Variants in CNBD1 observed in about 807,000 individuals in gnomAD.
CNBD1 encodes cyclic nucleotide-binding domain-containing protein 1.
In CNBD1, 71 loss-of-function variants were observed where a neutral mutation model predicts 54.4. The ratio of observed to expected loss-of-function variants is 1.30; its 90% CI spans 1.08 to 1.59. The LOEUF (loss-of-function observed/expected upper bound fraction) is 1.59. Among genes scored for constraint, CNBD1 ranks in the 40% most tolerant of loss-of-function variants. The probability of loss-of-function intolerance (pLI) is 0.00; values close to 1 mark genes in which losing one functional copy is unlikely to be tolerated. For missense variants in CNBD1, 659 were observed against 518.0 expected, an observed-to-expected ratio of 1.27 and a Z score of -2.64; for synonymous variants, 182 against 170.7, an observed-to-expected ratio of 1.07 and a Z score of -0.51.
intron 4 of CNBD1, among the ~76,000 whole-genome samples, chr8:87,160,455 A>G (rs1187912690): frequency 6.6e-6 from 1 of 152,126 alleles, no homozygotes; most frequent in African/African-American, 2.4e-5. Context: ...GAAATTCTCT[A>G]TGACTTCGTT....
At chr8:86,887,436 A>C in intron 1 of CNBD1, 106 bp from the exon 2 acceptor site, 1 of 692,522 alleles carries the variant, frequency 1.4e-6, no homozygotes, top group Non-Finnish European at 2.5e-6. Context: ...TTCCATAGTC[A>C]CTGAATTCTT....
chr8:86,959,702 G>T lies in CNBD1; in HGVS notation c.431+19948G>T, dbSNP rs1329904438. ...TGTGCCATGGTTTTCAGCTCCATCA[G>T]GTCATTTAAGGTCTTCTCTATGCTG... On this transcript the variant is annotated intron_variant, in intron 4 of 10. Transcript: ENST00000518476. Among the ~76,000 whole-genome samples, 6 of 152,186 alleles carry T rather than the reference G, an allele frequency of 3.9e-5. 1 individual carries two copies. The Middle Eastern group carries it at 0.02, about 518-fold the overall frequency.
At chr8:87,032,974 C>T (rs1030629404) in intron 4 of CNBD1, among the ~76,000 whole-genome samples, 3 of 152,162 alleles carry the variant, frequency 2.0e-5, no homozygotes, top group African/African-American at 7.2e-5. Context: ...TCATCCCACT[C>T]CCTCTTTGCT....
At chr8:87,345,065 G>A (rs1322719729) in intron 8 of CNBD1, among the ~76,000 whole-genome samples, 2 of 152,078 alleles carry the variant, frequency 1.3e-5, no homozygotes. Flanking sequence ...TTAAGTTAGA[G>A]TATCTCTTTT....
rs565688798 is a variant in CNBD1, at chr8:87,175,257, AGGTGCAAGCAAAG to A, written c.432-30735_432-30723del. 5.9e-3 allele frequency among the ~76,000 whole-genome samples: 899 copies of A among 152,278 alleles called. 3 individuals are homozygous for A. The highest frequency in any genetic ancestry group is 0.01 in the Non-Finnish European group (704 of 68,016). On this transcript the variant is annotated intron_variant, in intron 4 of 10. Transcript: ENST00000518476. ...CTCACTGTGGCCAAGCTGGTATCTAAGGTGCAAGCAAAGTCTCCTTTACTTTATCTTCTGCTTT... is the reference window on the plus strand; with the variant it reads ...CTCACTGTGGCCAAGCTGGTATCTAATCTCCTTTACTTTATCTTCTGCTTT...
chr8:87,356,957 C>T (rs981323862), intron 10 of CNBD1, among the ~76,000 whole-genome samples: 9 of 152,160 alleles, frequency 5.9e-5, no homozygotes, highest in African/African-American at 2.2e-4. Flanking sequence ...CTCTCAGAAT[C>T]TGAGCAGAGC....
At chr8:87,362,095 T>G (rs1259762358) in intron 10 of CNBD1, among the ~76,000 whole-genome samples, 6 of 152,200 alleles carry the variant, frequency 3.9e-5, no homozygotes, top group African/African-American at 1.4e-4. Flanking sequence ...TAAAATCTAC[T>G]TCAATGACAC....
chr8:87,226,453 T>C (rs1268110842), intron 5 of CNBD1, among the ~76,000 whole-genome samples: 3 of 137,356 alleles, frequency 2.2e-5, no homozygotes, highest in South Asian at 4.7e-4. Flanking sequence ...TTTGTTCTCG[T>C]TGGTTTCAAA....
At chr8:87,170,029 A>T (rs1160930475) in intron 4 of CNBD1, among the ~76,000 whole-genome samples, 1 of 152,034 alleles carries the variant, frequency 6.6e-6, no homozygotes, top group Non-Finnish European at 1.5e-5. Context: ...AACAATTTTG[A>T]TTCTTCTAAT....
rs1813384693 is a variant in CNBD1, at chr8:87,182,722, C to T, written c.432-23271C>T. Among the ~76,000 whole-genome samples the T allele has an allele frequency of 6.6e-6, 1 of 152,014 alleles. No homozygotes were observed. The highest frequency in any genetic ancestry group is 1.5e-5 in the Non-Finnish European group (1 of 68,006). The stretch of plus-strand genomic sequence containing the variant: ...GAGAAGTGTCTGTTCATGTCTTCTG[C>T]CCATTTTTAAATGGGGTTGTTTGCT... On this transcript the variant is annotated intron_variant, in intron 4 of 10. Transcript: ENST00000518476. This position sits in a 1 kb window ranked among gnomAD's most constrained non-coding sequence, Gnocchi z 4.1.
chr8:86,901,796 C>T lies in CNBD1; in HGVS notation c.159-3285C>T, dbSNP rs184169869. Reference sequence around the variant, plus strand: ...GATCTTTTTTGGCACATCCTTCTGCCTTCTCTTTCATATTCCACTGGGTAG... The same window carrying T: ...GATCTTTTTTGGCACATCCTTCTGCTTTCTCTTTCATATTCCACTGGGTAG... On this transcript the variant is annotated intron_variant, in intron 2 of 10. Coordinates refer to ENST00000518476, the MANE Select transcript of CNBD1 (RefSeq NM_173538.3). 4.6e-5 allele frequency among the ~76,000 whole-genome samples: 7 copies of T among 152,162 alleles called. No individual in the cohort carries two copies. The East Asian group carries it at 1.2e-3, about 25-fold the overall frequency.
intron 2 of CNBD1, among the ~76,000 whole-genome samples, chr8:86,889,619 G>T (rs1808735336): frequency 6.6e-6 from 1 of 151,950 alleles, no homozygotes; most frequent in Non-Finnish European, 1.5e-5. Context: ...CAGTAGGTTG[G>T]TATATTATCC....
chr8:87,380,134 T>C (rs929138578), intron 10 of CNBD1, among the ~76,000 whole-genome samples: 11 of 152,118 alleles, frequency 7.2e-5, no homozygotes, highest in Non-Finnish European at 1.3e-4. Context: ...AGAGTATTTA[T>C]ATAATTACCA....
chr8:87,189,814 C>G (rs573828196), intron 4 of CNBD1, among the ~76,000 whole-genome samples: 1 of 152,282 alleles, frequency 6.6e-6, no homozygotes, highest in South Asian at 2.1e-4. Flanking sequence ...TCTGTTCATT[C>G]ATCCTTGACT....
At chr8:87,267,814 A>G (rs1808292578) in intron 6 of CNBD1, among the ~76,000 whole-genome samples, 2 of 133,772 alleles carry the variant, frequency 1.5e-5, no homozygotes, top group Non-Finnish European at 3.5e-5. Flanking sequence ...CAATGGATAT[A>G]TGATTATAAA....
chr8:87,325,851 G>A (rs909103195), intron 8 of CNBD1, among the ~76,000 whole-genome samples: 1 of 145,424 alleles, frequency 6.9e-6, no homozygotes, highest in African/African-American at 2.6e-5. Context: ...TCATTATGAT[G>A]TTAGCTGGTG....
At chr8:87,114,542 G>A (rs1897324) in intron 4 of CNBD1, among the ~76,000 whole-genome samples, 80,592 of 151,766 alleles carry the variant, frequency 0.53, 21,626 homozygotes, top group African/African-American at 0.55. Context: ...GTAGAGATGG[G>A]GTTTCACCAT....
Position 87,166,186 on chromosome 8 carries a change from T to A in CNBD1, c.432-39807T>A, listed in dbSNP as rs1266073864. Among the ~76,000 whole-genome samples, 1 of 151,954 alleles carries A rather than the reference T, an allele frequency of 6.6e-6. No homozygotes were observed. Among genetic ancestry groups the A allele is most frequent in the Admixed American group, 6.6e-5 (1 of 15,214 alleles). On this transcript the variant is annotated intron_variant, in intron 4 of 10. Transcript: ENST00000518476. This position sits in a 1 kb window ranked among gnomAD's most constrained non-coding sequence, Gnocchi z 4.3. ...TCTCAATAAATGAGACTAGGAATTA[T>A]CCAGATGAGTAAGTGACAAACCTAA...
At chr8:87,301,326 A>C (rs948701233) in intron 8 of CNBD1, among the ~76,000 whole-genome samples, 1 of 152,000 alleles carries the variant, frequency 6.6e-6, no homozygotes, top group African/African-American at 2.4e-5. Flanking sequence ...GAAAGAAAGA[A>C]CCCTCCTTAA....
Sources: gnomAD v4.1 joint callset for allele counts (sites outside exome capture counted in the v4.1 genomes callset) on GRCh38, gnomAD v4.1.1 for gene constraint, Gnocchi (gnomAD v3.1) non-coding constraint, MANE v1.5 for transcripts, NCBI Gene and HGNC (gene_info 2026-07-23, HGNC 2026-07-21) for gene names.